The following MAP3K5 variants were observed in gnomAD, a reference collection of about 807,000 sequenced individuals.
MAP3K5 encodes the protein ASK-1.
A neutral mutation model predicts 158.7 loss-of-function variants in MAP3K5; 56 were observed. The observed-to-expected ratio is 0.35, with a 90% CI of 0.28 to 0.44. MAP3K5 has a LOEUF of 0.44. Ranked by LOEUF, MAP3K5 falls within the 20% of genes least tolerant of loss-of-function variation. The probability of loss-of-function intolerance (pLI) is 1.00; values close to 1 mark genes in which losing one functional copy is unlikely to be tolerated. For missense variants in MAP3K5, 1,294 were observed against 1,674.8 expected, an observed-to-expected ratio of 0.77 and a Z score of 3.97; for synonymous variants, 579 against 601.7, an observed-to-expected ratio of 0.96 and a Z score of 0.55.
chr6:136,631,579 C>A (rs1777357199), intron 14 of MAP3K5, among the ~76,000 whole-genome samples: 1 of 151,118 alleles, frequency 6.6e-6, no homozygotes, highest in Non-Finnish European at 1.5e-5. Flanking sequence ...GTGGCGCAAT[C>A]CTAGCTCACT....
chr6:136,748,422 A>G (rs1783054975), intron 1 of MAP3K5, among the ~76,000 whole-genome samples: 1 of 152,114 alleles, frequency 6.6e-6, no homozygotes, highest in African/African-American at 2.4e-5. Context: ...AAAAATTGCA[A>G]CCTCAGTCAT....
intron 28 of MAP3K5, 68 bp downstream of exon 28, chr6:136,561,465 A>T: frequency 8.5e-7 from 1 of 1,178,964 alleles, no homozygotes; most frequent in Non-Finnish European, 1.3e-6. Context: ...TGTGCCTGTC[A>T]CATAGCAGGC....
chr6:136,718,368 T>G (rs530179960), intron 2 of MAP3K5, among the ~76,000 whole-genome samples: 2 of 152,282 alleles, frequency 1.3e-5, no homozygotes, highest in East Asian at 3.9e-4. Flanking sequence ...CACACCTGGC[T>G]AATTTTTGTA....
rs185778046 is a variant in MAP3K5 at position 136,768,109 on chromosome 6, G to C, written c.448+23601C>G. ...GAGCAAAAATATCTAACTCTTAGAA[G>C]AAAACATAGGTGTAAATCTCTGTGA... On this transcript the variant is annotated intron_variant, in intron 1 of 29. Transcript: ENST00000359015. Among the ~76,000 whole-genome samples the C allele has an allele frequency of 1.4e-3, 217 of 152,282 alleles. 1 individual carries two copies. Among genetic ancestry groups the C allele is most frequent in the Non-Finnish European group, 2.5e-3 (172 of 68,016 alleles).
chr6:136,675,447 C>A (rs1362228663), intron 7 of MAP3K5, among the ~76,000 whole-genome samples: 1 of 152,006 alleles, frequency 6.6e-6, no homozygotes, highest in East Asian at 1.9e-4. Context: ...AAAATGTGTT[C>A]TCTCACCATA....
chr6:136,721,088 A>AT (rs575610184), intron 1 of MAP3K5, among the ~76,000 whole-genome samples: 52 of 152,022 alleles, frequency 3.4e-4, no homozygotes, highest in African/African-American at 9.6e-4. Context: ...CCAAACCTGC[A>AT]TTTTTTTTAA....
chr6:136,661,193 A>G lies in MAP3K5; in HGVS notation c.1367-1815T>C, dbSNP rs965430345. ...GAAAATTATCTGTGAAAGAAACAAAATAACATTTAAAATTTTTCATGTTAC... is the reference window on the plus strand; with the variant it reads ...GAAAATTATCTGTGAAAGAAACAAAGTAACATTTAAAATTTTTCATGTTAC... On this transcript the variant is annotated intron_variant, in intron 8 of 29. Transcript: ENST00000359015. Among the ~76,000 whole-genome samples, 3 of 152,232 alleles carry G rather than the reference A, an allele frequency of 2.0e-5. No individual in the cohort carries two copies. In the South Asian group the frequency reaches 6.2e-4, roughly 31 times the overall value.
intron 19 of MAP3K5, 113 bp from the exon 20 acceptor site, chr6:136,602,092 C>T: frequency 1.3e-6 from 1 of 776,904 alleles, no homozygotes; most frequent in South Asian, 1.8e-5. Context: ...TATCATACAA[C>T]ACAAACTTAT....
At chr6:136,763,124 C>G (rs923368539) in intron 1 of MAP3K5, among the ~76,000 whole-genome samples, 3 of 152,166 alleles carry the variant, frequency 2.0e-5, no homozygotes, top group African/African-American at 7.2e-5. Context: ...TCTCAAATAG[C>G]TGGGACCACA....
chr6:136,665,322 A>T (rs1313731007), intron 8 of MAP3K5, among the ~76,000 whole-genome samples: 2 of 151,400 alleles, frequency 1.3e-5, no homozygotes, highest in East Asian at 1.9e-4. Context: ...TACATTTACT[A>T]TGTAGCATAG....
intron 3 of MAP3K5, among the ~76,000 whole-genome samples, chr6:136,700,394 C>T (rs964858520): frequency 6.6e-6 from 1 of 152,052 alleles, no homozygotes; most frequent in Non-Finnish European, 1.5e-5. Context: ...TGATAACAAC[C>T]TGAGAAAGGG....
intron 1 of MAP3K5, among the ~76,000 whole-genome samples, chr6:136,773,438 G>A (rs983044160): frequency 6.6e-6 from 1 of 152,300 alleles, no homozygotes; most frequent in African/African-American, 2.4e-5. Flanking sequence ...GTTATCAGGG[G>A]TTTTCTGATC....
intron 14 of MAP3K5, among the ~76,000 whole-genome samples, chr6:136,633,488 G>A (rs1777476230): frequency 6.6e-6 from 1 of 151,776 alleles, no homozygotes; most frequent in African/African-American, 2.4e-5. Flanking sequence ...TAGCCCAGCG[G>A]GAGTATGAAC....
At chr6:136,619,831 G>A (rs1401271236) in intron 15 of MAP3K5, among the ~76,000 whole-genome samples, 1 of 152,204 alleles carries the variant, frequency 6.6e-6, no homozygotes, top group Admixed American at 6.5e-5. Flanking sequence ...CAAACAGTAC[G>A]ACTTACTGAT....
chr6:136,642,287 G>A (rs1778017715), intron 12 of MAP3K5, among the ~76,000 whole-genome samples: 1 of 152,072 alleles, frequency 6.6e-6, no homozygotes, highest in South Asian at 2.1e-4. Flanking sequence ...TGACCCCACA[G>A]TTACATTTTA....
chr6:136,695,121 T>C (rs894737275), intron 6 of MAP3K5, among the ~76,000 whole-genome samples: 2 of 152,074 alleles, frequency 1.3e-5, no homozygotes, highest in African/African-American at 4.8e-5. Context: ...TTAAAATTTA[T>C]TGTTTTGATG....
intron 11 of MAP3K5, among the ~76,000 whole-genome samples, chr6:136,643,708 T>C (rs557483319): frequency 6.6e-6 from 1 of 152,318 alleles, no homozygotes; most frequent in East Asian, 1.9e-4. Flanking sequence ...AGTCAGGTCA[T>C]GGGGATGTGA....
chr6:136,689,436 A>G (rs552795228), intron 7 of MAP3K5, among the ~76,000 whole-genome samples: 167 of 152,322 alleles, frequency 1.1e-3, no homozygotes, highest in African/African-American at 3.8e-3. Context: ...TACTGTCCCC[A>G]AGTGTTTCTC....
intron 21 of MAP3K5, among the ~76,000 whole-genome samples, chr6:136,595,173 A>G (rs371047532): frequency 2.6e-5 from 4 of 152,298 alleles, no homozygotes; most frequent in South Asian, 4.1e-4. Context: ...GCTGGAGTGC[A>G]GTGGCATGAT....
Sources: allele counts gnomAD v4.1 joint callset (sites outside exome capture counted in the v4.1 genomes callset), GRCh38; gene constraint gnomAD v4.1.1; transcripts MANE v1.5; gene names NCBI Gene and HGNC (gene_info 2026-07-23, HGNC 2026-07-21).